ALK: variants seen among roughly 807,000 people sequenced by gnomAD.
ALK encodes the protein ALK tyrosine kinase receptor.
Under a neutral mutation model 163.1 loss-of-function variants are expected in ALK, and 74 were observed. The observed-to-expected ratio is 0.45, with a 90% CI of 0.38 to 0.55. The LOEUF (loss-of-function observed/expected upper bound fraction) is 0.55, where lower values mean the gene tolerates loss of function less well. ALK is among the 20% of genes least tolerant of loss of function. The pLI is 0.00. For synonymous variants in ALK, 960 were observed against 843.2 expected (o/e 1.14, Z -2.40); for missense variants, 2,063 against 2,105.3 (o/e 0.98, Z 0.39).
At chr2:29,488,573 T>G (rs1671831572) in intron 4 of ALK, among the ~76,000 whole-genome samples, 1 of 152,200 alleles carries the variant, frequency 6.6e-6, no homozygotes, top group Admixed American at 6.5e-5. Flanking sequence ...TTTCATAAAT[T>G]TCACTGAAGT....
At chr2:29,651,719 C>A (rs540790880) in intron 3 of ALK, among the ~76,000 whole-genome samples, 1 of 152,088 alleles carries the variant, frequency 6.6e-6, no homozygotes, top group Admixed American at 6.5e-5. Flanking sequence ...TCTCAGGGGT[C>A]CTGCCTCATC....
At chr2:29,198,254 G>A (rs890929969) in intron 26 of ALK, among the ~76,000 whole-genome samples, 4 of 152,078 alleles carry the variant, frequency 2.6e-5, no homozygotes, top group Non-Finnish European at 5.9e-5. Flanking sequence ...TCTATCAGAT[G>A]CCCACTCATC....
intron 4 of ALK, among the ~76,000 whole-genome samples, chr2:29,408,673 G>A (rs902004796): frequency 6.6e-6 from 1 of 152,220 alleles, no homozygotes; most frequent in African/African-American, 2.4e-5. Context: ...ATGCGCTGAT[G>A]ATCTTGATCA....
In ALK at chr2:29,818,631, A is replaced by G. The variant is rs576635598; in HGVS notation, c.668-100934T>C. On this transcript the variant is annotated intron_variant, in intron 1 of 28. Transcript: ENST00000389048. ...TATTCCGTTGCATAAGAAATATAGC[A>G]TCAAACTTTTCTGTCCACCGTGCCT... 2.1e-3 allele frequency among the ~76,000 whole-genome samples: 323 copies of G among 152,372 alleles called. 1 individual carries two copies. The highest frequency in any genetic ancestry group is 7.3e-3 in the African/African-American group (305 of 41,598).
intron 1 of ALK, among the ~76,000 whole-genome samples, chr2:29,912,257 C>T (rs539459427): frequency 2.6e-4 from 39 of 152,190 alleles, no homozygotes; most frequent in African/African-American, 9.1e-4. Flanking sequence ...TCTCAAAAAA[C>T]TACAAACAGG....
At chr2:29,364,484 C>G (rs1668457242) in intron 5 of ALK, among the ~76,000 whole-genome samples, 1 of 152,208 alleles carries the variant, frequency 6.6e-6, no homozygotes, top group Non-Finnish European at 1.5e-5. Flanking sequence ...TGATAGAAAT[C>G]CTGCCAGTTC....
At chr2:29,524,648 A>G (rs1238322785) in intron 4 of ALK, among the ~76,000 whole-genome samples, 1 of 152,258 alleles carries the variant, frequency 6.6e-6, no homozygotes, top group African/African-American at 2.4e-5. Context: ...TATTAACAAC[A>G]TAGTATCTGT....
intron 25 of ALK, among the ~76,000 whole-genome samples, chr2:29,207,575 C>T (rs1669345177): frequency 6.6e-6 from 1 of 152,214 alleles, no homozygotes; most frequent in Non-Finnish European, 1.5e-5. Flanking sequence ...TTTATTATAG[C>T]TCACAATGAA....
At chr2:29,795,492 C>T (rs1334225745) in intron 1 of ALK, among the ~76,000 whole-genome samples, 1 of 152,056 alleles carries the variant, frequency 6.6e-6, no homozygotes, top group Non-Finnish European at 1.5e-5. Context: ...AAGAAAATTA[C>T]CTGTTATACA....
rs1375889062 is a variant in ALK, at chr2:29,423,040, G to T, written c.1155-39181C>A. On this transcript the variant is annotated intron_variant, in intron 4 of 28. Coordinates refer to ENST00000389048, the MANE Select transcript of ALK (RefSeq NM_004304.5). ...CTGCTCTCCATAGTTTTAAGAAAGAGAAATAGAGGGCATATTCCTGCCAGA... is the reference window on the plus strand; with the variant it reads ...CTGCTCTCCATAGTTTTAAGAAAGATAAATAGAGGGCATATTCCTGCCAGA... Among the ~76,000 whole-genome samples, 3 of 151,866 alleles carry T rather than the reference G, an allele frequency of 2.0e-5. No individual in the cohort carries two copies. In the East Asian group the frequency reaches 5.8e-4, roughly 29 times the overall value.
intron 4 of ALK, among the ~76,000 whole-genome samples, chr2:29,507,043 A>G (rs1672346339): frequency 6.6e-6 from 1 of 152,222 alleles, no homozygotes. Flanking sequence ...AAGAAAAGGG[A>G]AAGCAGGGTC....
At chr2:29,778,627 T>C (rs1681244972) in intron 1 of ALK, among the ~76,000 whole-genome samples, 1 of 152,210 alleles carries the variant, frequency 6.6e-6, no homozygotes, top group African/African-American at 2.4e-5. Context: ...TGATGCTTTT[T>C]CTGTGCAGTG....
chr2:29,537,532 G>C (rs1673292702), intron 3 of ALK, among the ~76,000 whole-genome samples: 1 of 152,242 alleles, frequency 6.6e-6, no homozygotes, highest in Non-Finnish European at 1.5e-5. Flanking sequence ...AGGAGGCATG[G>C]GCAGAAGTCT....
At chr2:29,739,613 G>A (rs1235661551) in intron 1 of ALK, among the ~76,000 whole-genome samples, 4 of 151,838 alleles carry the variant, frequency 2.6e-5, no homozygotes, top group Non-Finnish European at 4.4e-5. Flanking sequence ...GATAAACTTG[G>A]ATCTGCATTT....
chr2:29,883,754 C>T (rs1482380493), intron 1 of ALK, among the ~76,000 whole-genome samples: 4 of 151,998 alleles, frequency 2.6e-5, no homozygotes, highest in African/African-American at 7.3e-5. Flanking sequence ...TTGGACCGCA[C>T]GGGTCCACTT....
At chr2:29,365,181 G>T (rs929683202) in intron 5 of ALK, among the ~76,000 whole-genome samples, 1 of 152,208 alleles carries the variant, frequency 6.6e-6, no homozygotes, top group Non-Finnish European at 1.5e-5. Flanking sequence ...AGCAAGAGTT[G>T]CTAGACTCTG....
chr2:29,699,611 A>C (rs887780044), intron 2 of ALK, among the ~76,000 whole-genome samples: 8 of 152,222 alleles, frequency 5.3e-5, no homozygotes, highest in Admixed American at 5.2e-4. Context: ...AGCCTTCTTC[A>C]TGATAGGGGA....
At chr2:29,831,028 AAGGAGG>A (rs146992197) in intron 1 of ALK, among the ~76,000 whole-genome samples, 2 of 36,540 alleles carry the variant, frequency 5.5e-5, no homozygotes, top group Non-Finnish European at 1.1e-4. Context: ...GAGGAAGGGG[AAGGAGG>A]AGGAGGAGGA....
intron 4 of ALK, among the ~76,000 whole-genome samples, chr2:29,393,507 C>A (rs1669229984): frequency 6.6e-6 from 1 of 152,168 alleles, no homozygotes; most frequent in South Asian, 2.1e-4. Context: ...GAATCTGAAC[C>A]CACAGGCTTG....
Sources: gnomAD v4.1 joint callset for allele counts (sites outside exome capture counted in the v4.1 genomes callset) on GRCh38, gnomAD v4.1.1 for gene constraint, MANE v1.5 for transcripts, NCBI Gene and HGNC (gene_info 2026-07-23, HGNC 2026-07-21) for gene names.